The following DAB2IP variants were observed in gnomAD, a reference collection of about 807,000 sequenced individuals.
DAB2IP encodes the protein disabled homolog 2-interacting protein.
A neutral mutation model predicts 107.2 loss-of-function variants in DAB2IP; 28 were observed. The ratio of observed to expected loss-of-function variants is 0.26; its 90% CI spans 0.19 to 0.36. The LOEUF (loss-of-function observed/expected upper bound fraction) is 0.36. Ranked by LOEUF, DAB2IP falls within the 10% of genes least tolerant of loss-of-function variation. The pLI, the probability that DAB2IP is intolerant of heterozygous loss-of-function variation, is 1.00. For synonymous variants in DAB2IP, 755 were observed against 706.4 expected (o/e 1.07, Z -1.09); for missense variants, 1,400 against 1,644.7 (o/e 0.85, Z 2.57).
intron 1 of DAB2IP, among the ~76,000 whole-genome samples, chr9:121,676,758 G>C (rs1399512047): frequency 6.6e-6 from 1 of 152,202 alleles, no homozygotes; most frequent in Non-Finnish European, 1.5e-5. Context: ...AAGTAGAGGG[G>C]GTCACCCAGG....
At chr9:121,644,751 C>T (rs1356966200) in intron 1 of DAB2IP, among the ~76,000 whole-genome samples, 1 of 152,214 alleles carries the variant, frequency 6.6e-6, no homozygotes, top group African/African-American at 2.4e-5. Context: ...TATTCATATA[C>T]CCCTTTATAC....
intron 2 of DAB2IP, among the ~76,000 whole-genome samples, chr9:121,688,399 G>C (rs1313019762): frequency 6.6e-6 from 1 of 152,180 alleles, no homozygotes; most frequent in Non-Finnish European, 1.5e-5. Flanking sequence ...AGCTGAGCTT[G>C]TTACTCCCCT....
At chr9:121,575,589 G>C (rs1830039205) in intron 1 of DAB2IP, among the ~76,000 whole-genome samples, 1 of 152,154 alleles carries the variant, frequency 6.6e-6, no homozygotes, top group Admixed American at 6.5e-5. Flanking sequence ...CTCATGCTCA[G>C]GTTGCTGGAT....
chr9:121,600,428 T>C (rs1830654745), intron 1 of DAB2IP, among the ~76,000 whole-genome samples: 2 of 152,166 alleles, frequency 1.3e-5, no homozygotes, highest in Admixed American at 1.3e-4. Flanking sequence ...CAACGCCACC[T>C]GCTTCCAGTG....
chr9:121,691,635 A>G (rs1361394545), intron 2 of DAB2IP, among the ~76,000 whole-genome samples: 1 of 152,186 alleles, frequency 6.6e-6, no homozygotes, highest in African/African-American at 2.4e-5. Flanking sequence ...ATCTCATTGA[A>G]TCTTCACAAC....
chr9:121,688,575 C>T (rs1211044169), intron 2 of DAB2IP, among the ~76,000 whole-genome samples: 1 of 152,200 alleles, frequency 6.6e-6, no homozygotes, highest in African/African-American at 2.4e-5. Flanking sequence ...TAGTGCCATC[C>T]AGGGCTCTGT....
chr9:121,770,189 A>G (rs1398600937), intron 10 of DAB2IP, among the ~76,000 whole-genome samples: 1 of 152,234 alleles, frequency 6.6e-6, no homozygotes, highest in Non-Finnish European at 1.5e-5. Context: ...GGGCTGTCAC[A>G]GAAGCCTCTG....
Position 121,742,599 on chromosome 9 carries a change from C to T in DAB2IP, c.363-14414C>T, listed in dbSNP as rs184825972. ...CTCCTATTCCAGTAACTAGGCAGGC[C>T]CTGCCCACCCTTGCCCCAGGAGAAG... On this transcript the variant is annotated intron_variant, in intron 3 of 15. Coordinates refer to ENST00000408936, the Ensembl canonical transcript of DAB2IP. Among the ~76,000 whole-genome samples the T allele has an allele frequency of 1.3e-3, 193 of 152,288 alleles. 1 individual carries two copies. The highest frequency in any genetic ancestry group is 1.7e-3 in the Non-Finnish European group (116 of 68,016).
rs1008104132 is a variant in DAB2IP at position 121,782,214 on chromosome 9, G to C, written c.3403-117G>C. The C allele has an allele frequency of 5.4e-5, 81 of 1,488,218 alleles. No individual in the cohort carries two copies. Among genetic ancestry groups the C allele is most frequent in the Non-Finnish European group, 7.2e-6 (8 of 1,113,206 alleles). 92.2% of individuals were successfully genotyped at this position (1,488,218 alleles called of 1,614,324 possible). A position where few individuals can be genotyped will look rare whatever the true frequency, so the allele number is the denominator to read the frequency against. ...TTCTCTTGCCAGCTGCTCACAGCCC[G>C]GAGCCTGCCTGCCACCCTCATCTCC... On this transcript the variant is annotated intron_variant, in intron 15 of 15. Coordinates refer to ENST00000408936, the Ensembl canonical transcript of DAB2IP. The surrounding 1 kb of genome is among the most constrained non-coding windows in gnomAD (Gnocchi z 6.1).
intron 3 of DAB2IP, among the ~76,000 whole-genome samples, chr9:121,740,432 A>G (rs1832259864): frequency 1.3e-5 from 2 of 152,146 alleles, no homozygotes; most frequent in Non-Finnish European, 2.9e-5. Context: ...GCCCCTAAAT[A>G]AGAGTATCCT....
chr9:121,687,689 A>G (rs577494694), intron 2 of DAB2IP, among the ~76,000 whole-genome samples: 2 of 152,308 alleles, frequency 1.3e-5, no homozygotes, highest in East Asian at 3.9e-4. Flanking sequence ...CTTTCTAAGT[A>G]TTGTCTCATT....
chr9:121,763,019 C>T (rs568177524), intron 6 of DAB2IP, among the ~76,000 whole-genome samples: 18 of 152,328 alleles, frequency 1.2e-4, no homozygotes, highest in African/African-American at 4.1e-4. Flanking sequence ...TGGGGCTGCA[C>T]AGAAGGCATC....
At chr9:121,678,223 A>G (rs553876735) in intron 1 of DAB2IP, among the ~76,000 whole-genome samples, 1 of 152,318 alleles carries the variant, frequency 6.6e-6, no homozygotes, top group East Asian at 1.9e-4. Context: ...CCTCTTCTAG[A>G]TAGTTCATAT....
At chr9:121,571,856 G>A (rs573869468) in intron 1 of DAB2IP, among the ~76,000 whole-genome samples, 1 of 152,254 alleles carries the variant, frequency 6.6e-6, no homozygotes, top group East Asian at 1.9e-4. Context: ...CATAGGTGCA[G>A]AGGTTTCTTT....
intron 1 of DAB2IP, among the ~76,000 whole-genome samples, chr9:121,672,932 T>A (rs1321799802): frequency 6.6e-6 from 1 of 152,198 alleles, no homozygotes. Context: ...TAGAAAAGAT[T>A]TGCTGCAAAA....
chr9:121,767,238 G>A (rs1834349766), intron 9 of DAB2IP, among the ~76,000 whole-genome samples: 1 of 152,244 alleles, frequency 6.6e-6, no homozygotes, highest in African/African-American at 2.4e-5. Flanking sequence ...AGAAGTAGAA[G>A]GGCTGGGTCG....
At chr9:121,645,779 C>CT (rs1402537287) in intron 1 of DAB2IP, among the ~76,000 whole-genome samples, 4 of 152,328 alleles carry the variant, frequency 2.6e-5, no homozygotes, top group South Asian at 4.1e-4. Flanking sequence ...CATTCCGGGG[C>CT]TTTATGACAG....
chr9:121,717,983 C>T (rs764539345), intron 3 of DAB2IP, among the ~76,000 whole-genome samples: 47 of 152,170 alleles, frequency 3.1e-4, no homozygotes, highest in Non-Finnish European at 5.7e-4. Context: ...CCTTCTGTCT[C>T]GATGGCTTTC....
In DAB2IP at chr9:121,710,080, G is replaced by A. The variant is rs927275910; in HGVS notation, c.362+10622G>A. 1.2e-4 allele frequency among the ~76,000 whole-genome samples: 19 copies of A among 152,154 alleles called. 1 individual carries two copies. Among genetic ancestry groups the A allele is most frequent in the Non-Finnish European group, 2.8e-4 (19 of 68,026 alleles). On this transcript the variant is annotated intron_variant, in intron 3 of 15. Coordinates refer to ENST00000408936, the Ensembl canonical transcript of DAB2IP. ...GCATGGCCAGAAATGGCAGAGCTGG[G>A]ATTAAACCCAAGCCGTCTGGCTCCC...
Sources: gnomAD v4.1 joint callset for allele counts (sites outside exome capture counted in the v4.1 genomes callset) on GRCh38, gnomAD v4.1.1 for gene constraint, Gnocchi (gnomAD v3.1) non-coding constraint, MANE v1.5 for transcripts, NCBI Gene and HGNC (gene_info 2026-07-23, HGNC 2026-07-21) for gene names.